CDH8: variants seen among roughly 807,000 people sequenced by gnomAD.
CDH8 encodes the protein cadherin-8.
In CDH8, 17 loss-of-function variants were observed where a neutral mutation model predicts 68.1. The ratio of observed to expected loss-of-function variants is 0.25; its 90% CI spans 0.17 to 0.37. CDH8 has a LOEUF of 0.37. Ranked by LOEUF, CDH8 falls within the 10% of genes least tolerant of loss-of-function variation. The probability of loss-of-function intolerance (pLI) is 1.00; values close to 1 mark genes in which losing one functional copy is unlikely to be tolerated. For synonymous variants in CDH8, 372 were observed against 365.1 expected (o/e 1.02, Z -0.21); for missense variants, 763 against 999.3 (o/e 0.76, Z 3.19).
intron 2 of CDH8, chr16:61,918,144 G>C (rs1964279421): frequency 6.6e-6 from 1 of 151,744 alleles, no homozygotes; most frequent in African/African-American, 2.4e-5. Context: ...TCACGTAAGA[G>C]TGTCTTTCAT....
intron 8 of CDH8, among the ~76,000 whole-genome samples, chr16:61,774,636 C>A (rs1209135251): frequency 6.6e-6 from 1 of 152,030 alleles, no homozygotes; most frequent in Non-Finnish European, 1.5e-5. Flanking sequence ...CCTCATTATA[C>A]TAATTCATTA....
At chr16:61,686,103 A>G (rs1276791794) in intron 10 of CDH8, among the ~76,000 whole-genome samples, 1 of 151,942 alleles carries the variant, frequency 6.6e-6, no homozygotes, top group African/African-American at 2.4e-5. Flanking sequence ...CTTATACGTA[A>G]CTGAAGCAGA....
intron 8 of CDH8, among the ~76,000 whole-genome samples, chr16:61,736,846 A>G (rs940300130): frequency 6.6e-6 from 1 of 152,204 alleles, no homozygotes; most frequent in Non-Finnish European, 1.5e-5. Context: ...TCTGATATAC[A>G]AACACTAAAT....
chr16:61,781,353 G>A (rs927548626), intron 8 of CDH8, among the ~76,000 whole-genome samples: 2 of 152,118 alleles, frequency 1.3e-5, no homozygotes, highest in Non-Finnish European at 2.9e-5. Flanking sequence ...GATCCTGTTT[G>A]TAATCCCAGC....
intron 4 of CDH8, among the ~76,000 whole-genome samples, chr16:61,850,694 C>T (rs1162384167): frequency 6.6e-6 from 1 of 151,938 alleles, no homozygotes; most frequent in African/African-American, 2.4e-5. Flanking sequence ...TTCCTCATGC[C>T]AAAAGACCTT....
At chr16:61,960,347 A>ATACACACATATATATATACG (rs1491563529) in intron 2 of CDH8, among the ~76,000 whole-genome samples, 1 of 26,568 alleles carries the variant, frequency 3.8e-5, no homozygotes, top group Admixed American at 3.8e-4. Flanking sequence ...ACATATATAC[A>ATACACACATATATATATACG]TGTGTGTGTG....
Position 61,649,852 on chromosome 16 carries a change from C to T in CDH8, c.*3756G>A, listed in dbSNP as rs534838277. 1 of 152,214 alleles carries T rather than the reference C, an allele frequency of 6.6e-6. No homozygotes were observed. The highest frequency in any genetic ancestry group is 2.4e-5 in the African/African-American group (1 of 41,556). 9.4% of individuals were successfully genotyped at this position (152,214 alleles called of 1,614,324 possible). On this transcript the variant is annotated 3_prime_UTR_variant, in exon 12 of 12. Transcript: ENST00000577390. Reference sequence around the variant, plus strand: ...AGCATAGCCCAGAACTCTGTTGAGTCTCAGTGTGGAATCCAGCTGCTCCTA... The same window carrying T: ...AGCATAGCCCAGAACTCTGTTGAGTTTCAGTGTGGAATCCAGCTGCTCCTA...
At chr16:61,902,793 T>C (rs1326104229) in intron 2 of CDH8, among the ~76,000 whole-genome samples, 4 of 152,150 alleles carry the variant, frequency 2.6e-5, no homozygotes, top group Admixed American at 2.6e-4. Flanking sequence ...CCTACTTTAC[T>C]TTTGAATATT....
intron 2 of CDH8, chr16:61,940,431 G>T (rs1006840567): frequency 9.3e-6 from 1 of 107,858 alleles, no homozygotes; most frequent in African/African-American, 4.8e-5. Flanking sequence ...ACGGAGCCTC[G>T]CTCTGTCGTC....
chr16:61,755,419 C>T (rs193200431), intron 8 of CDH8, among the ~76,000 whole-genome samples: 36 of 152,122 alleles, frequency 2.4e-4, no homozygotes, highest in Admixed American at 8.5e-4. Flanking sequence ...TGTATAGCCA[C>T]GTATTGGCGT....
chr16:61,793,845 G>GTTGAACTAA (rs1363327847), intron 7 of CDH8, among the ~76,000 whole-genome samples: 1 of 151,992 alleles, frequency 6.6e-6, no homozygotes, highest in East Asian at 1.9e-4. Flanking sequence ...TTCCACGATG[G>GTTGAACTAA]TTGAACTAAT....
chr16:61,799,179 A>G (rs550695088), intron 7 of CDH8, among the ~76,000 whole-genome samples: 1 of 152,282 alleles, frequency 6.6e-6, no homozygotes, highest in Admixed American at 6.5e-5. Flanking sequence ...AGTGAAGAGA[A>G]TCTTTCCCCT....
At chr16:62,034,217 A>ACACACACACGCGCG (rs1039068798) in intron 1 of CDH8, among the ~76,000 whole-genome samples, 4 of 151,370 alleles carry the variant, frequency 2.6e-5, no homozygotes, top group African/African-American at 9.7e-5. Context: ...ACACACACAC[A>ACACACACACGCGCG]CGCACACGAA....
At chr16:61,827,393 G>A (rs1270133074) in intron 4 of CDH8, among the ~76,000 whole-genome samples, 1 of 151,806 alleles carries the variant, frequency 6.6e-6, no homozygotes, top group Non-Finnish European at 1.5e-5. Flanking sequence ...GAAAGTTGAT[G>A]AGGTGAGGTC....
At chr16:61,676,655 C>T (rs112649503) in intron 10 of CDH8, among the ~76,000 whole-genome samples, 7 of 152,180 alleles carry the variant, frequency 4.6e-5, no homozygotes, top group African/African-American at 1.7e-4. Flanking sequence ...TAATATTACA[C>T]TTAATTTTGA....
intron 2 of CDH8, among the ~76,000 whole-genome samples, chr16:61,995,659 G>T (rs1312920515): frequency 6.6e-6 from 1 of 152,188 alleles, no homozygotes; most frequent in Non-Finnish European, 1.5e-5. Flanking sequence ...TTACAGGCGT[G>T]AGCCATGGCT....
intron 10 of CDH8, among the ~76,000 whole-genome samples, chr16:61,709,849 T>G (rs1255648104): frequency 2.0e-5 from 3 of 152,158 alleles, no homozygotes; most frequent in African/African-American, 7.2e-5. Context: ...TTTTATTTTG[T>G]CTATTTTAAT....
chr16:61,915,146 C>T (rs542320691), intron 2 of CDH8, among the ~76,000 whole-genome samples: 1 of 152,138 alleles, frequency 6.6e-6, no homozygotes, highest in African/African-American at 2.4e-5. Context: ...ATTACTTTTT[C>T]GATGTTTTCT....
chr16:61,726,619 A>T, intron 9 of CDH8: 1 of 165,530 alleles, frequency 6.0e-6, no homozygotes, highest in Non-Finnish European at 1.3e-5. Flanking sequence ...GTTTATCTAA[A>T]TATATTTACA....
Sources: gnomAD v4.1 joint callset for allele counts (sites outside exome capture counted in the v4.1 genomes callset) on GRCh38, gnomAD v4.1.1 for gene constraint, MANE v1.5 for transcripts, NCBI Gene and HGNC (gene_info 2026-07-23, HGNC 2026-07-21) for gene names.